Variants in RLN3 observed in about 807,000 individuals in gnomAD.
RLN3 encodes relaxin-3.
RLN3 carries 13 observed loss-of-function variants against 10.2 expected under a neutral mutation model. The observed-to-expected ratio is 1.28, with a 90% confidence interval of 0.83 to 2.03. The LOEUF (loss-of-function observed/expected upper bound fraction) is 2.03. Among genes scored for constraint, RLN3 ranks in the 30% most tolerant of loss-of-function variants. The pLI is 0.00. For missense variants in RLN3, 191 were observed against 187.2 expected (o/e 1.02, Z -0.12); for synonymous variants, 56 against 79.2 (o/e 0.71, Z 1.56).
At chr19:14,029,776 C>T (rs1012573013) in intron 1 of RLN3, among the ~76,000 whole-genome samples, 3 of 150,612 alleles carry the variant, frequency 2.0e-5, no homozygotes, top group African/African-American at 7.4e-5. Context: ...GCACTTAAAA[C>T]GTTGTTTGAC....
chr19:14,030,682 G>C, intron 1 of RLN3, 28 bp from the exon 2 acceptor site: 1 of 1,592,090 alleles, frequency 6.3e-7, no homozygotes, highest in Non-Finnish European at 8.6e-7. Context: ...GCTGAGCCCT[G>C]ATCACTAACT....
At chr19:14,029,393 C>T (rs1975763459) in intron 1 of RLN3, among the ~76,000 whole-genome samples, 1 of 151,550 alleles carries the variant, frequency 6.6e-6, no homozygotes, top group Non-Finnish European at 1.5e-5. Context: ...ATTCTGTTGC[C>T]CAGGCTGGAG....
intron 1 of RLN3, chr19:14,030,407 C>T: frequency 1.4e-6 from 1 of 699,510 alleles, no homozygotes; most frequent in Non-Finnish European, 2.6e-6. Context: ...CGCCTGTAAT[C>T]CCAGCACTTT....
In RLN3 at chr19:14,028,305, T is replaced by C. The variant is rs1568495739; in HGVS notation, c.101T>C (p.Leu34Pro). Residue 34 changes from leucine to proline, a missense_variant, in exon 1 of 2, where the codon CTT (leucine) becomes CCT (proline). Physicochemically the swap from Leu to Pro is moderately conservative, Grantham distance 98. Transcript: ENST00000431365. ...CGGGCAGCGCCTTACGGGGTCAGGC[T>C]TTGCGGCCGAGAATTCATCCGAGCA... Reference protein sequence around the residue: ...EARAAPYGVRLCGREFIRAVI... With the variant: ...EARAAPYGVRPCGREFIRAVI... 6.2e-7 allele frequency: 1 copy of C among 1,613,820 alleles called. No individual in the cohort carries two copies. The highest frequency in any genetic ancestry group is 2.2e-5 in the East Asian group (1 of 44,846).
intron 1 of RLN3, among the ~76,000 whole-genome samples, chr19:14,028,949 T>A (rs1187876455): frequency 6.7e-6 from 1 of 149,786 alleles, no homozygotes; most frequent in African/African-American, 2.5e-5. Context: ...TAGTTTTAAA[T>A]TTTTTTTTTG....
Position 14,030,255 on chromosome 19 carries a change from T to A in RLN3, c.191-455T>A, listed in dbSNP as rs137953008. The A allele has an allele frequency of 7.5e-4, 530 of 702,920 alleles. 5 individuals carry two copies. Among genetic ancestry groups the A allele is most frequent in the African/African-American group, 7.4e-3 (423 of 57,360 alleles). 43.5% of individuals were successfully genotyped at this position (702,920 alleles called of 1,614,324 possible). A position where few individuals can be genotyped will look rare whatever the true frequency, so the allele number is the denominator to read the frequency against. On this transcript the variant is annotated intron_variant, in intron 1 of 1. Transcript: ENST00000431365. The stretch of plus-strand genomic sequence containing the variant: ...TTTTCCACTTTGCAGAAAAGAACAT[T>A]GAGGCTCCAAGAAGTAAATTTACTT...
rs1439833559 is a variant in RLN3, at chr19:14,031,095, C to T, written c.*147C>T. ...CACAGAGGCACTGTGGGCTCAGGCA[C>T]AGTCTCCCGACACCACCTATCCAAC... On this transcript the variant is annotated 3_prime_UTR_variant, in exon 2 of 2. Coordinates refer to ENST00000431365, the MANE Select transcript of RLN3 (RefSeq NM_080864.4). The T allele has an allele frequency of 1.5e-6, 1 of 650,214 alleles. No homozygotes were observed. The highest frequency in any genetic ancestry group is 1.8e-5 in the African/African-American group (1 of 55,192). The allele number at this position is 650,214 out of a possible 1,614,324, so 40.3% of individuals were successfully genotyped here.
chr19:14,030,329 A>G (rs1399844004), intron 1 of RLN3: 6 of 702,636 alleles, frequency 8.5e-6, no homozygotes, highest in Non-Finnish European at 1.6e-5. Flanking sequence ...CCAGCTCCCA[A>G]ATGTACCAGG....
chr19:14,030,384 G>A (rs778551188), intron 1 of RLN3: 1 of 702,576 alleles, frequency 1.4e-6, no homozygotes, highest in South Asian at 1.5e-5. Flanking sequence ...ACAGGGCTGG[G>A]TGCGGTGGCT....
At position 14,028,246 on chromosome 19, in the gene RLN3, G is replaced by A; in HGVS notation, c.42G>A (p.Val14=). Residue 14 remains valine, a synonymous_variant, in exon 1 of 2, where the codon GTG becomes GTA. Coordinates refer to ENST00000431365, the MANE Select transcript of RLN3 (RefSeq NM_080864.4). ...YMLLLLLAVW[V]LTGELWPGAE... The stretch of plus-strand genomic sequence containing the variant: ...TGCTGCTGCTCCTGGCGGTATGGGT[G>A]CTGACCGGGGAGCTGTGGCCGGGAG... 1 of 1,611,714 alleles carries A rather than the reference G, an allele frequency of 6.2e-7. No homozygotes were observed. The highest frequency in any genetic ancestry group is 8.5e-7 in the Non-Finnish European group (1 of 1,179,028).
rs759390296 is a variant in RLN3, at chr19:14,028,182, C to T, written c.-23C>T. ...CAGCAGAGACACTGGCCCACTCTCA[C>T]GTTCAAAGCATCTCCGTCCAGCATG... On this transcript the variant is annotated 5_prime_UTR_variant, in exon 1 of 2. The change creates a new upstream start codon in the 5' untranslated region. Transcript: ENST00000431365. The T allele has an allele frequency of 3.7e-5, 57 of 1,537,402 alleles. No homozygotes were observed. In the South Asian group the frequency reaches 5.6e-4, roughly 15 times the overall value.
rs745444602 is a variant in RLN3, at chr19:14,028,379, G to A, written c.175G>A (p.Ala59Thr). ...CCGGTGGAGACGATCAGACATCCTG[G>A]CCCACGAGGCTATGGGTGAGGCTGG... is the stretch of plus-strand genomic sequence containing the variant. ...GSRWRRSDILAHEAMGDTFPD... is the reference protein window; with the variant it reads ...GSRWRRSDILTHEAMGDTFPD... Residue 59 changes from alanine (A) to threonine (T), a missense_variant, in exon 1 of 2, where the codon GCC becomes ACC. Coordinates refer to ENST00000431365, the MANE Select transcript of RLN3 (RefSeq NM_080864.4). 1.9e-6 allele frequency: 3 copies of A among 1,611,356 alleles called. 1 individual carries two copies. The South Asian group carries it at 3.3e-5, about 18-fold the overall frequency.
Position 14,030,872 on chromosome 19 carries a change from G to T in RLN3, c.353G>T (p.Arg118Leu). ...ACCCCTGGGGTTCTTCGGGGCAGCCGAGATGTCCTGGCTGGCCTTTCCAGC... is the reference window on the plus strand; with the variant it reads ...ACCCCTGGGGTTCTTCGGGGCAGCCTAGATGTCCTGGCTGGCCTTTCCAGC... ...QGTPGVLRGS[R>L]DVLAGLSSSC... is the part of the protein sequence containing the mutation. Residue 118 changes from arginine to leucine, a missense_variant, in exon 2 of 2, where the codon CGA becomes CTA. Physicochemically the swap from Arg to Leu is moderately radical, Grantham distance 102. Transcript: ENST00000431365. The T allele has an allele frequency of 6.2e-7, 1 of 1,610,522 alleles. No homozygotes were observed. The highest frequency in any genetic ancestry group is 2.2e-5 in the East Asian group (1 of 44,780).
At position 14,030,830 on chromosome 19, in the gene RLN3, G is replaced by T. The variant is rs780032505; in HGVS notation, c.311G>T (p.Arg104Leu). ...TKSPQAFYRGRPSWQGTPGVL... is the reference protein window; with the variant it reads ...TKSPQAFYRGLPSWQGTPGVL... ...TCACCCCAGGCCTTTTACAGGGGGC[G>T]ACCCAGCTGGCAAGGAACCCCTGGG... Residue 104 changes from arginine (R) to leucine (L), a missense_variant, in exon 2 of 2, where the codon CGA becomes CTA. Transcript: ENST00000431365. 1.2e-6 allele frequency: 2 copies of T among 1,613,750 alleles called. No individual in the cohort carries two copies. The highest frequency in any genetic ancestry group is 1.1e-5 in the South Asian group (1 of 91,056).
rs746900030 is a variant in RLN3 at position 14,030,736 on chromosome 19, G to A, written c.217G>A (p.Asp73Asn). The A allele has an allele frequency of 7.4e-6, 12 of 1,614,100 alleles. No individual in the cohort carries two copies. Among genetic ancestry groups the A allele is most frequent in the African/African-American group, 2.7e-5 (2 of 74,928 alleles). Residue 73 changes from aspartate to asparagine, a missense_variant, in exon 2 of 2, where the codon GAT becomes AAT. Coordinates refer to ENST00000431365, the MANE Select transcript of RLN3 (RefSeq NM_080864.4). ...AGATACCTTCCCGGATGCAGATGCT[G>A]ATGAAGACAGTCTGGCAGGCGAGCT... ...MGDTFPDADA[D>N]EDSLAGELDE... is the part of the protein sequence containing the mutation.
rs1005078964 is a variant in RLN3 at position 14,031,078 on chromosome 19, C to G, written c.*130C>G. The G allele has an allele frequency of 8.4e-6, 6 of 711,264 alleles. No individual in the cohort carries two copies. In the Admixed American group the frequency reaches 1.6e-4, roughly 18 times the overall value. The allele number at this position is 711,264 out of a possible 1,614,324, so 44.1% of individuals were successfully genotyped here. A position where few individuals can be genotyped will look rare whatever the true frequency, so the allele number is the denominator to read the frequency against. ...TTCATTCATCTACAAGTCACAGAGG[C>G]ACTGTGGGCTCAGGCACAGTCTCCC... On this transcript the variant is annotated 3_prime_UTR_variant, in exon 2 of 2. Coordinates refer to ENST00000431365, the MANE Select transcript of RLN3 (RefSeq NM_080864.4).
Position 14,028,330 on chromosome 19 carries a change from A to G in RLN3, c.126A>G (p.Ala42=). ...TTTGCGGCCGAGAATTCATCCGAGC[A>G]GTCATCTTCACCTGCGGGGGCTCCC... is the stretch of plus-strand genomic sequence containing the variant. The part of the protein sequence containing the change: ...VRLCGREFIR[A]VIFTCGGSRW... The change falls in exon 1 of 2, where the codon GCA becomes GCG. Residue 42 remains alanine (A), a synonymous_variant. Coordinates refer to ENST00000431365, the MANE Select transcript of RLN3 (RefSeq NM_080864.4). 1 of 1,613,928 alleles carries G rather than the reference A, an allele frequency of 6.2e-7. No homozygotes were observed. The highest frequency in any genetic ancestry group is 8.5e-7 in the Non-Finnish European group (1 of 1,179,988).
chr19:14,031,191 A>T lies in RLN3; in HGVS notation c.*243A>T. On this transcript the variant is annotated 3_prime_UTR_variant, in exon 2 of 2. Coordinates refer to ENST00000431365, the MANE Select transcript of RLN3 (RefSeq NM_080864.4). Reference sequence around the variant, plus strand: ...TGTGCCCCTGCCTGGTCAAGTGGGGACCCCCCCATCCTGACCCCTGACCTC... The same window carrying T: ...TGTGCCCCTGCCTGGTCAAGTGGGGTCCCCCCCATCCTGACCCCTGACCTC... 2.0e-6 allele frequency: 1 copy of T among 498,838 alleles called. No homozygotes were observed. Among genetic ancestry groups the T allele is most frequent in the Non-Finnish European group, 3.6e-6 (1 of 280,704 alleles). The allele number at this position is 498,838 out of a possible 1,614,324, so 30.9% of individuals were successfully genotyped here.
chr19:14,028,631 C>T (rs1456165855), intron 1 of RLN3, among the ~76,000 whole-genome samples: 1 of 148,866 alleles, frequency 6.7e-6, no homozygotes, highest in African/African-American at 2.5e-5. Context: ...CAGGTGGGGG[C>T]GGGGAGCGTG....
Sources: allele counts gnomAD v4.1 joint callset (sites outside exome capture counted in the v4.1 genomes callset), GRCh38; gene constraint gnomAD v4.1.1; transcripts MANE v1.5; gene names NCBI Gene and HGNC (gene_info 2026-07-23, HGNC 2026-07-21).